RYR3: variants seen among roughly 807,000 people sequenced by gnomAD.
The protein encoded by RYR3 is ryanodine receptor 3.
Under a neutral mutation model 584.3 loss-of-function variants are expected in RYR3, and 207 were observed. That is an observed-to-expected ratio of 0.35 (90% confidence interval 0.32 to 0.40). The LOEUF is 0.40. RYR3 is among the 10% of genes least tolerant of loss of function. RYR3 has a pLI of 1.00. For missense variants in RYR3, 5,616 were observed against 6,089.2 expected (o/e 0.92, Z 2.59); for synonymous variants, 2,416 against 2,248.5 (o/e 1.07, Z -2.11).
chr15:33,410,384 A>G (rs2043317690), intron 1 of RYR3, among the ~76,000 whole-genome samples: 1 of 152,246 alleles, frequency 6.6e-6, no homozygotes, highest in African/African-American at 2.4e-5. Flanking sequence ...GGTAGCCTCC[A>G]TAGTGGAAAC....
At chr15:33,403,487 T>C (rs1283369090) in intron 1 of RYR3, among the ~76,000 whole-genome samples, 1 of 152,190 alleles carries the variant, frequency 6.6e-6, no homozygotes, top group Non-Finnish European at 1.5e-5. Flanking sequence ...GAAGTGTCAA[T>C]AGTACATTTT....
intron 1 of RYR3, among the ~76,000 whole-genome samples, chr15:33,413,227 C>G (rs1436839719): frequency 3.9e-5 from 6 of 152,144 alleles, no homozygotes; most frequent in African/African-American, 1.4e-4. Context: ...TTGTATTGGC[C>G]AGTAAGTCTT....
chr15:33,375,733 T>A (rs2040675582), intron 1 of RYR3, among the ~76,000 whole-genome samples: 1 of 152,190 alleles, frequency 6.6e-6, no homozygotes, highest in African/African-American at 2.4e-5. Context: ...ATTTTGACAA[T>A]TGCATACATC....
At chr15:33,805,668 A>C (rs145642172) in intron 69 of RYR3, among the ~76,000 whole-genome samples, 9 of 150,892 alleles carry the variant, frequency 6.0e-5, no homozygotes, top group African/African-American at 2.2e-4. Context: ...TAGTAGAGAC[A>C]GGGTTTCACT....
At position 33,823,011 on chromosome 15, in the gene RYR3, C is replaced by T. The variant is rs1253445178; in HGVS notation, c.11011C>T (p.Leu3671=). 1 of 1,613,388 alleles carries T rather than the reference C, an allele frequency of 6.2e-7. No homozygotes were observed. Among genetic ancestry groups the T allele is most frequent in the Admixed American group, 1.7e-5 (1 of 59,932 alleles). Residue 3671 remains leucine (L), a synonymous_variant, in exon 81 of 104, where the codon CTA becomes TTA. Coordinates refer to ENST00000634891, the MANE Select transcript of RYR3 (RefSeq NM_001036.6). ...TCCCTTGCAGAAAATGCTAGATTAC[C>T]TAAAGGAGAAAAAGGATGCTGGATT... The part of the protein sequence containing the change: ...AGVQQKMLDY[L]KEKKDAGFFQ...
Position 33,562,926 on chromosome 15 carries a change from T to C in RYR3, c.1062T>C (p.Phe354=). Residue 354 remains phenylalanine (F), a synonymous_variant, in exon 11 of 104, where the codon TTT becomes TTC. Transcript: ENST00000634891. ...PEIKYGDSVC[F]VQHIASGLWV... is the part of the protein sequence containing the mutation. ...TCAAGTATGGAGATTCTGTCTGCTTTGTGCAGCATATAGCCAGTGGTCTGT... is the reference window on the plus strand; with the variant it reads ...TCAAGTATGGAGATTCTGTCTGCTTCGTGCAGCATATAGCCAGTGGTCTGT... The C allele has an allele frequency of 6.2e-7, 1 of 1,613,858 alleles. No individual in the cohort carries two copies. Among genetic ancestry groups the C allele is most frequent in the Non-Finnish European group, 8.5e-7 (1 of 1,179,772 alleles).
rs921108027 is a variant in RYR3, at chr15:33,843,502, G to A, written c.13224G>A (p.Arg4408=). 6.2e-7 allele frequency: 1 copy of A among 1,603,292 alleles called. No homozygotes were observed. The highest frequency in any genetic ancestry group is 8.5e-7 in the Non-Finnish European group (1 of 1,174,432). Residue 4408 remains arginine (R), a synonymous_variant, in exon 92 of 104, where the codon AGG becomes AGA. Coordinates refer to ENST00000634891, the MANE Select transcript of RYR3 (RefSeq NM_001036.6). ...TTTCTTTGCAGCATTACCTGGCCAG[G>A]AATTTCTACAACCTGAGGTTCCTTG... is the stretch of plus-strand genomic sequence containing the variant. ...YQTKLLHYLA[R]NFYNLRFLAL... is the part of the protein sequence containing the mutation.
At chr15:33,386,140 G>A (rs1028809048) in intron 1 of RYR3, among the ~76,000 whole-genome samples, 1 of 152,252 alleles carries the variant, frequency 6.6e-6, no homozygotes, top group African/African-American at 2.4e-5. Context: ...TAAGGTGGTA[G>A]CATTTCTTTT....
Position 33,344,066 on chromosome 15 carries a change from C to T in RYR3, c.51+32970C>T, listed in dbSNP as rs10519811. On this transcript the variant is annotated intron_variant, in intron 1 of 103. Transcript: ENST00000634891. The stretch of plus-strand genomic sequence containing the variant: ...AAGCTTAAATTCAAAAACGTACATT[C>T]ACTTGCTGGAATTGTTGTTGTTGCT... 5.0e-3 allele frequency among the ~76,000 whole-genome samples: 768 copies of T among 152,260 alleles called. 6 individuals carry two copies. The highest frequency in any genetic ancestry group is 0.018 in the African/African-American group (733 of 41,552).
chr15:33,693,541 C>T (rs1390669060), intron 38 of RYR3, among the ~76,000 whole-genome samples: 1 of 152,252 alleles, frequency 6.6e-6, no homozygotes, highest in African/African-American at 2.4e-5. Flanking sequence ...GGCATTCCCT[C>T]CCTAAGAGGT....
At chr15:33,312,141 A>G (rs1026196090) in intron 1 of RYR3, among the ~76,000 whole-genome samples, 2 of 152,250 alleles carry the variant, frequency 1.3e-5, no homozygotes, top group African/African-American at 2.4e-5. Flanking sequence ...TGTAAATCTT[A>G]GGTAATTTTA....
chr15:33,540,454 G>A (rs1442074150), intron 6 of RYR3, among the ~76,000 whole-genome samples: 1 of 152,068 alleles, frequency 6.6e-6, no homozygotes, highest in East Asian at 1.9e-4. Context: ...ATTTTACTTT[G>A]CCTAGGCCAA....
intron 49 of RYR3, among the ~76,000 whole-genome samples, chr15:33,737,275 A>G (rs988295566): frequency 5.3e-5 from 8 of 151,634 alleles, no homozygotes; most frequent in Non-Finnish European, 1.0e-4. Flanking sequence ...CCTTTTTTTT[A>G]TTGTCTTGTT....
At chr15:33,322,125 A>G (rs1223889641) in intron 1 of RYR3, among the ~76,000 whole-genome samples, 1 of 152,214 alleles carries the variant, frequency 6.6e-6, no homozygotes, top group Non-Finnish European at 1.5e-5. Context: ...CTTGGACAAC[A>G]TTGGCATCTG....
At position 33,310,994 on chromosome 15, in the gene RYR3, CG is replaced by C; in HGVS notation, c.-47del. 4.1e-6 allele frequency: 6 copies of C among 1,469,354 alleles called. No homozygotes were observed. The highest frequency in any genetic ancestry group is 3.8e-5 in the Admixed American group (2 of 52,930). 91.0% of individuals were successfully genotyped at this position (1,469,354 alleles called of 1,614,324 possible). On this transcript the variant is annotated 5_prime_UTR_variant, in exon 1 of 104. Coordinates refer to ENST00000634891, the MANE Select transcript of RYR3 (RefSeq NM_001036.6). ...CAGTCAGCGCACGCCGAGCGGCTGC[CG>C]GGGGAAGCAGAGGCGCCGGAGGCTG... is the stretch of plus-strand genomic sequence containing the variant.
At chr15:33,501,622 A>G (rs896026780) in intron 2 of RYR3, among the ~76,000 whole-genome samples, 1 of 152,226 alleles carries the variant, frequency 6.6e-6, no homozygotes, top group African/African-American at 2.4e-5. Context: ...TTCTGGGAAC[A>G]TGAAATTCAG....
rs561724740 is a variant in RYR3, at chr15:33,576,023, A to C, written c.1269-3953A>C. 6.6e-5 allele frequency among the ~76,000 whole-genome samples: 10 copies of C among 152,296 alleles called. No homozygotes were observed. In the South Asian group the frequency reaches 2.1e-3, roughly 32 times the overall value. ...TAGAAAATTGAGAAAGAATGGATAA[A>C]TTCCTGGACATATACACCCTCCCAA... is the stretch of plus-strand genomic sequence containing the variant. On this transcript the variant is annotated intron_variant, in intron 12 of 103. Transcript: ENST00000634891.
chr15:33,370,483 T>C (rs2040251210), intron 1 of RYR3, among the ~76,000 whole-genome samples: 1 of 152,170 alleles, frequency 6.6e-6, no homozygotes, highest in Non-Finnish European at 1.5e-5. Flanking sequence ...TGCTTACAGA[T>C]AGGACACAGC....
chr15:33,572,112 ATATAT>A (rs1216409619), intron 12 of RYR3, among the ~76,000 whole-genome samples: 4 of 152,188 alleles, frequency 2.6e-5, no homozygotes, highest in Non-Finnish European at 2.9e-5. Flanking sequence ...ATATTGCCAC[ATATAT>A]TATATCTTCA....
Sources: gnomAD v4.1 joint callset for allele counts (sites outside exome capture counted in the v4.1 genomes callset) on GRCh38, gnomAD v4.1.1 for gene constraint, MANE v1.5 for transcripts, NCBI Gene and HGNC (gene_info 2026-07-23, HGNC 2026-07-21) for gene names.